Variants in PRDM5 observed in about 807,000 individuals in gnomAD.
The protein encoded by PRDM5 is PR domain zinc finger protein 5.
Under a neutral mutation model 81.2 loss-of-function variants are expected in PRDM5, and 56 were observed. That is an observed-to-expected ratio of 0.69 (90% CI 0.56 to 0.86). The LOEUF is 0.86. PRDM5 is among the 40% of genes least tolerant of loss of function. The pLI, the probability that PRDM5 is intolerant of heterozygous loss-of-function variation, is 0.00. For synonymous variants in PRDM5, 267 were observed against 256.4 expected (o/e 1.04, Z -0.39); for missense variants, 697 against 770.1 (o/e 0.91, Z 1.12).
At chr4:120,793,107 G>A (rs1231197141) in intron 10 of PRDM5, among the ~76,000 whole-genome samples, 1 of 152,150 alleles carries the variant, frequency 6.6e-6, no homozygotes, top group Non-Finnish European at 1.5e-5. Context: ...GAGGTGAGTG[G>A]CGGGCAAGTG....
intron 1 of PRDM5, 28 bp downstream of exon 1, chr4:120,922,488 G>T (rs760969145): frequency 6.3e-7 from 1 of 1,577,612 alleles, no homozygotes; most frequent in Non-Finnish European, 8.6e-7. Flanking sequence ...AGGTGCAGGG[G>T]CGCGCAGGCC....
intron 10 of PRDM5, among the ~76,000 whole-genome samples, chr4:120,788,208 G>A (rs1481729768): frequency 2.6e-5 from 4 of 151,956 alleles, no homozygotes; most frequent in Non-Finnish European, 4.4e-5. Context: ...CCCATAAAAA[G>A]ATATAAACCT....
intron 13 of PRDM5, among the ~76,000 whole-genome samples, chr4:120,756,783 C>G (rs1744806813): frequency 1.3e-5 from 2 of 151,998 alleles, no homozygotes; most frequent in Admixed American, 6.6e-5. Context: ...AGATAATAAA[C>G]AAGGCTAAAA....
intron 5 of PRDM5, 106 bp from the exon 6 acceptor site, chr4:120,817,030 T>C: frequency 1.1e-6 from 1 of 940,422 alleles, no homozygotes; most frequent in Admixed American, 2.0e-5. Flanking sequence ...CGTGATCCCT[T>C]TTTTCATTGT....
At chr4:120,906,718 T>A (rs1269134826) in intron 2 of PRDM5, among the ~76,000 whole-genome samples, 1 of 152,224 alleles carries the variant, frequency 6.6e-6, no homozygotes, top group African/African-American at 2.4e-5. Flanking sequence ...AGACTGTCTC[T>A]AGTGTTACAA....
intron 14 of PRDM5, among the ~76,000 whole-genome samples, chr4:120,713,377 C>CT (rs1469480086): frequency 6.6e-6 from 1 of 152,036 alleles, no homozygotes; most frequent in African/African-American, 2.4e-5. Context: ...TTAACCCAAG[C>CT]TTTTTTGTGA....
intron 9 of PRDM5, among the ~76,000 whole-genome samples, 169 bp from the exon 10 acceptor site, chr4:120,798,593 T>G (rs1177984465): frequency 6.6e-6 from 1 of 152,196 alleles, no homozygotes; most frequent in East Asian, 1.9e-4. Flanking sequence ...TGTCTACTCC[T>G]AAATGAAATA....
chr4:120,886,638 A>G (rs998987641), intron 2 of PRDM5, among the ~76,000 whole-genome samples: 10 of 152,200 alleles, frequency 6.6e-5, no homozygotes, highest in African/African-American at 9.7e-5. Flanking sequence ...GCCAATGGTA[A>G]AAATAGCTAT....
intron 3 of PRDM5, among the ~76,000 whole-genome samples, chr4:120,851,283 T>G (rs1054184628): frequency 6.6e-6 from 1 of 152,002 alleles, no homozygotes; most frequent in Non-Finnish European, 1.5e-5. Context: ...AAACAATGGG[T>G]TGGCTTAAGG....
At chr4:120,919,543 ACCCACTGGTGGTT>A (rs1724631338) in intron 1 of PRDM5, among the ~76,000 whole-genome samples, 2 of 152,194 alleles carry the variant, frequency 1.3e-5, no homozygotes, top group South Asian at 2.1e-4. Flanking sequence ...AAAAAACACC[ACCCACTGGTGGTT>A]AATCATATAA....
At chr4:120,706,448 A>G (rs1054765538) in intron 15 of PRDM5, among the ~76,000 whole-genome samples, 2 of 152,106 alleles carry the variant, frequency 1.3e-5, no homozygotes, top group Non-Finnish European at 2.9e-5. Flanking sequence ...TACAGTCCTC[A>G]GAGATATGGG....
chr4:120,922,649 G>C lies in PRDM5; in HGVS notation c.-41C>G. 1 of 1,572,266 alleles carries C rather than the reference G, an allele frequency of 6.4e-7. No individual in the cohort carries two copies. Among genetic ancestry groups the C allele is most frequent in the Non-Finnish European group, 8.6e-7 (1 of 1,159,426 alleles). Reference sequence around the variant, plus strand: ...GGCCGCCGCCTCTCTCAACACCGGCGCTTAGCGCCCGGCAGGCGGCACATC... The same window carrying C: ...GGCCGCCGCCTCTCTCAACACCGGCCCTTAGCGCCCGGCAGGCGGCACATC... On this transcript the variant is annotated 5_prime_UTR_variant, in exon 1 of 16. Transcript: ENST00000264808.
At chr4:120,750,109 A>G (rs1743755022) in intron 14 of PRDM5, among the ~76,000 whole-genome samples, 1 of 152,222 alleles carries the variant, frequency 6.6e-6, no homozygotes, top group South Asian at 2.1e-4. Context: ...TAAATTTTTA[A>G]TTGCATTTAA....
At chr4:120,847,214 T>C (rs1758754092) in intron 3 of PRDM5, among the ~76,000 whole-genome samples, 1 of 152,164 alleles carries the variant, frequency 6.6e-6, no homozygotes, top group Non-Finnish European at 1.5e-5. Context: ...TCCTACACTG[T>C]GCCAAGGTTG....
At position 120,915,227 on chromosome 4, in the gene PRDM5, C is replaced by T. The variant is rs148914005; in HGVS notation, c.93+7289G>A. The stretch of plus-strand genomic sequence containing the variant: ...CTATCCTAACAATGAGAATGATAAA[C>T]TGCAAAATCATAACTTTTCTTAAGG... On this transcript the variant is annotated intron_variant, in intron 1 of 15. Coordinates refer to ENST00000264808, the MANE Select transcript of PRDM5 (RefSeq NM_018699.4). 1.7e-3 allele frequency among the ~76,000 whole-genome samples: 256 copies of T among 152,236 alleles called. 2 individuals carry two copies. The highest frequency in any genetic ancestry group is 5.9e-3 in the African/African-American group (246 of 41,544).
Position 120,922,658 on chromosome 4 carries a change from C to G in PRDM5, c.-50G>C. ...CTCTCTCAACACCGGCGCTTAGCGCCCGGCAGGCGGCACATCGAAATTTGG... is the reference window on the plus strand; with the variant it reads ...CTCTCTCAACACCGGCGCTTAGCGCGCGGCAGGCGGCACATCGAAATTTGG... On this transcript the variant is annotated 5_prime_UTR_variant, in exon 1 of 16. Coordinates refer to ENST00000264808, the MANE Select transcript of PRDM5 (RefSeq NM_018699.4). 2.6e-6 allele frequency: 4 copies of G among 1,565,234 alleles called. No homozygotes were observed. Among genetic ancestry groups the G allele is most frequent in the African/African-American group, 1.4e-5 (1 of 73,558 alleles).
chr4:120,864,528 C>A (rs1760988865), intron 2 of PRDM5, among the ~76,000 whole-genome samples: 1 of 152,130 alleles, frequency 6.6e-6, no homozygotes. Context: ...TTTCTAAATC[C>A]TCTTCCCACA....
At chr4:120,750,673 G>T (rs1743853777) in intron 14 of PRDM5, among the ~76,000 whole-genome samples, 1 of 143,762 alleles carries the variant, frequency 7.0e-6, no homozygotes, top group Non-Finnish European at 1.5e-5. Flanking sequence ...TAGACTTAGA[G>T]ACTTAGTTTC....
chr4:120,795,340 A>C (rs1000284318), intron 10 of PRDM5, among the ~76,000 whole-genome samples: 19 of 152,174 alleles, frequency 1.2e-4, no homozygotes, highest in South Asian at 2.1e-4. Flanking sequence ...TATATATGAC[A>C]GGGAACACAA....
Sources: gnomAD v4.1 joint callset for allele counts (sites outside exome capture counted in the v4.1 genomes callset) on GRCh38, gnomAD v4.1.1 for gene constraint, MANE v1.5 for transcripts, NCBI Gene and HGNC (gene_info 2026-07-23, HGNC 2026-07-21) for gene names.